The following DMD variants were observed in gnomAD, a reference collection of about 807,000 sequenced individuals.
DMD encodes the protein mutant dystrophin.
In DMD, 63 loss-of-function variants were observed where a neutral mutation model predicts 330.1. That is an observed-to-expected ratio of 0.19 (90% CI 0.16 to 0.24). The LOEUF (loss-of-function observed/expected upper bound fraction) is 0.24, where lower values mean the gene tolerates loss of function less well. DMD is among the 10% of genes least tolerant of loss of function. The pLI, the probability that DMD is intolerant of heterozygous loss-of-function variation, is 1.00. For synonymous variants in DMD, 1,223 were observed against 959.8 expected (o/e 1.27, Z -5.07); for missense variants, 3,344 against 2,684.1 (o/e 1.25, Z -5.43).
chrX:32,362,910 G>A lies in DMD; in HGVS notation c.5203C>T (p.Arg1735Cys), dbSNP rs147904018. 125 of 1,208,735 alleles carry A rather than the reference G, an allele frequency of 1.0e-4. No homozygotes were observed. The African/African-American group carries it at 1.5e-3, about 15-fold the overall frequency. The change falls in exon 37 of 79, where the codon CGT (arginine) becomes TGT (cysteine). Residue 1735 changes from arginine to cysteine, a missense_variant. Coordinates refer to ENST00000357033, the MANE Select transcript of DMD (RefSeq NM_004006.3). ...GCCATCAAGTTTGCTGCTTGGTCAC[G>A]TGTAGAGTCCACCTTTGGGCGTATG... ...NDIRPKVDST[R>C]DQAANLMANR... is the part of the protein sequence containing the mutation.
chrX:32,442,735 A>G (rs973369594), intron 27 of DMD, among the ~76,000 whole-genome samples: 34 of 110,976 alleles, frequency 3.1e-4, no homozygotes, highest in African/African-American at 1.1e-3. Context: ...AATCAAAAAA[A>G]AGGAAATAAT....
intron 4 of DMD, among the ~76,000 whole-genome samples, chrX:32,836,206 T>G (rs1482830945): frequency 5.5e-5 from 6 of 109,173 alleles, no homozygotes; most frequent in African/African-American, 2.0e-4. Context: ...TAATTTTTTT[T>G]TTTTTAGTAG....
At chrX:32,266,341 C>A (rs1009581309) in intron 43 of DMD, among the ~76,000 whole-genome samples, 5 of 112,119 alleles carry the variant, frequency 4.5e-5, no homozygotes, top group African/African-American at 1.6e-4. Context: ...GTCAATTAAA[C>A]CTCTGTCCTT....
At chrX:31,391,518 C>T (rs892262334) in intron 60 of DMD, among the ~76,000 whole-genome samples, 1 of 111,515 alleles carries the variant, frequency 9.0e-6, no homozygotes, top group Non-Finnish European at 1.9e-5. Context: ...CTATTTTGTG[C>T]CAGACAATAT....
At chrX:32,291,094 G>A (rs923839756) in intron 42 of DMD, among the ~76,000 whole-genome samples, 1 of 111,831 alleles carries the variant, frequency 8.9e-6, no homozygotes, top group Non-Finnish European at 1.9e-5. Context: ...AAGCTTAGGG[G>A]AAGATGGGGC....
At chrX:31,492,135 C>A (rs1051425646) in intron 57 of DMD, among the ~76,000 whole-genome samples, 7 of 112,029 alleles carry the variant, frequency 6.2e-5, no homozygotes, top group African/African-American at 2.3e-4. Context: ...ATACAAACAA[C>A]AATTAAATCA....
At chrX:33,060,709 C>T (rs1373199826) in intron 1 of DMD, among the ~76,000 whole-genome samples, 1 of 109,471 alleles carries the variant, frequency 9.1e-6, no homozygotes, top group African/African-American at 3.3e-5. Flanking sequence ...TGGTGGCATG[C>T]ACTTGTAATC....
At chrX:31,775,791 T>C (rs998440735) in intron 50 of DMD, among the ~76,000 whole-genome samples, 2 of 111,716 alleles carry the variant, frequency 1.8e-5, no homozygotes, top group African/African-American at 6.5e-5. Flanking sequence ...GAGAAGAAGA[T>C]GAGTAGAATG....
intron 61 of DMD, among the ~76,000 whole-genome samples, chrX:31,341,880 C>T (rs185487265): frequency 5.9e-5 from 4 of 67,737 alleles, no homozygotes; most frequent in Admixed American, 1.6e-4. Flanking sequence ...TGCGCGCGTG[C>T]GTGCGCGCGC....
At chrX:32,721,609 T>C (rs1179418859) in intron 7 of DMD, among the ~76,000 whole-genome samples, 1 of 111,151 alleles carries the variant, frequency 9.0e-6, no homozygotes, top group Non-Finnish European at 1.9e-5. Flanking sequence ...ATTAAACCCT[T>C]ATCAGATATA....
At chrX:32,380,930 G>A (rs943445946) in intron 33 of DMD, among the ~76,000 whole-genome samples, 2 of 110,011 alleles carry the variant, frequency 1.8e-5, no homozygotes, top group South Asian at 3.8e-4. Context: ...AAACCTATAC[G>A]AATTTTTCTC....
At chrX:31,730,987 G>A (rs1442521819) in intron 51 of DMD, among the ~76,000 whole-genome samples, 1 of 111,764 alleles carries the variant, frequency 8.9e-6, no homozygotes, top group Non-Finnish European at 1.9e-5. Context: ...TGATCATTCT[G>A]TAGTGTTTCT....
At chrX:31,341,224 A>G (rs1401878899) in intron 61 of DMD, among the ~76,000 whole-genome samples, 3 of 112,207 alleles carry the variant, frequency 2.7e-5, no homozygotes, top group Non-Finnish European at 1.9e-5. Flanking sequence ...TTTTACAAAT[A>G]TTAACTGTTT....
intron 43 of DMD, among the ~76,000 whole-genome samples, chrX:32,283,272 G>C (rs752931674): frequency 8.9e-6 from 1 of 111,936 alleles, no homozygotes; most frequent in Non-Finnish European, 1.9e-5. Flanking sequence ...AGAAATGCCT[G>C]TTGTTTTCAG....
chrX:31,721,830 C>G (rs917448366), intron 52 of DMD, among the ~76,000 whole-genome samples: 5 of 104,402 alleles, frequency 4.8e-5, no homozygotes, highest in African/African-American at 1.7e-4. Context: ...ATTGATAATA[C>G]AGGTGAAATA....
At chrX:32,421,826 C>T (rs1273074862) in intron 29 of DMD, among the ~76,000 whole-genome samples, 1 of 111,524 alleles carries the variant, frequency 9.0e-6, no homozygotes, top group African/African-American at 3.3e-5. Context: ...TCAGATATAG[C>T]TGAAGATTAA....
chrX:33,165,306 A>G (rs970913702), intron 1 of DMD, among the ~76,000 whole-genome samples: 10 of 111,544 alleles, frequency 9.0e-5, no homozygotes, highest in Non-Finnish European at 1.5e-4. Flanking sequence ...TAGGGGAAAA[A>G]TGACTTAAAC....
chrX:31,682,865 T>G (rs1321677718), intron 52 of DMD, among the ~76,000 whole-genome samples: 1 of 112,201 alleles, frequency 8.9e-6, no homozygotes, highest in East Asian at 2.8e-4. Context: ...GGGAAAACAG[T>G]CTATATTTTT....
intron 7 of DMD, among the ~76,000 whole-genome samples, chrX:32,804,661 C>T (rs1358307968): frequency 8.9e-6 from 1 of 112,455 alleles, no homozygotes; most frequent in Non-Finnish European, 1.9e-5. Context: ...GGCCCTGACC[C>T]CCGTGCCTCC....
Sources: gnomAD v4.1 joint callset for allele counts (sites outside exome capture counted in the v4.1 genomes callset) on GRCh38, gnomAD v4.1.1 for gene constraint, MANE v1.5 for transcripts, NCBI Gene and HGNC (gene_info 2026-07-23, HGNC 2026-07-21) for gene names.